The following EVC2 variants were observed in gnomAD, a reference collection of about 807,000 sequenced individuals.
EVC2 encodes EvC ciliary complex subunit 2, also known as limbin.
Under a neutral mutation model 149.3 loss-of-function variants are expected in EVC2, and 148 were observed. That is an observed-to-expected ratio of 0.99 (90% confidence interval 0.87 to 1.14). The LOEUF is 1.14. Among genes scored for constraint, EVC2 ranks in the 50% most tolerant of loss-of-function variants. The pLI is 0.00. For missense variants in EVC2, 1,854 were observed against 1,627.3 expected (o/e 1.14, Z -2.40); for synonymous variants, 776 against 649.9 (o/e 1.19, Z -2.95).
At chr4:5,571,794 G>A (rs73794655) in intron 19 of EVC2, among the ~76,000 whole-genome samples, 6,712 of 152,264 alleles carry the variant, frequency 0.044, 187 homozygotes, top group African/African-American at 0.056. Flanking sequence ...TTTCTGTGGG[G>A]GTGTTTTGGG....
In EVC2 at chr4:5,679,650, G is replaced by T. The variant is rs191408760; in HGVS notation, c.870+1610C>A. Among the ~76,000 whole-genome samples the T allele has an allele frequency of 4.0e-5, 6 of 151,798 alleles. No homozygotes were observed. In the East Asian group the frequency reaches 1.2e-3, roughly 29 times the overall value. ...TATTTTATTTTACTTTAAGTTCTGG[G>T]ATACATATGCAGAACGTGCAGGTTT... On this transcript the variant is annotated intron_variant, in intron 7 of 21. Transcript: ENST00000344408. This position sits in a 1 kb window ranked among gnomAD's most constrained non-coding sequence, Gnocchi z 5.1.
intron 21 of EVC2, among the ~76,000 whole-genome samples, chr4:5,546,809 A>C (rs1021365532): frequency 6.6e-6 from 1 of 151,982 alleles, no homozygotes; most frequent in Non-Finnish European, 1.5e-5. Flanking sequence ...GCCTGTCTAG[A>C]GTGGCTGCTG....
chr4:5,639,767 T>C (rs1717177894), intron 10 of EVC2, among the ~76,000 whole-genome samples: 1 of 152,226 alleles, frequency 6.6e-6, no homozygotes, highest in Non-Finnish European at 1.5e-5. Flanking sequence ...TCTACAGACG[T>C]GCTCTGCTAT....
At chr4:5,699,646 AAAAAAAAAAAAAG>A (rs1475816898) in intron 1 of EVC2, among the ~76,000 whole-genome samples, 1 of 150,542 alleles carries the variant, frequency 6.6e-6, no homozygotes, top group East Asian at 1.9e-4. Flanking sequence ...TCTCTACAAA[AAAAAAAAAAAAAG>A]AAAAAAAGAA....
At chr4:5,541,469 G>A (rs1268930383), downstream of EVC2, among the ~76,000 whole-genome samples, 1 of 152,240 alleles carries the variant, frequency 6.6e-6, no homozygotes, top group Admixed American at 6.5e-5. Context: ...GACTTGAAGA[G>A]AGCGAGTGCT....
intron 10 of EVC2, among the ~76,000 whole-genome samples, chr4:5,638,179 AG>A (rs1717021480): frequency 6.6e-6 from 1 of 152,144 alleles, no homozygotes; most frequent in Non-Finnish European, 1.5e-5. Flanking sequence ...ACCTGAGGTC[AG>A]GAGTTCGAGA....
At chr4:5,650,539 T>C (rs183716335) in intron 9 of EVC2, among the ~76,000 whole-genome samples, 79 of 148,302 alleles carry the variant, frequency 5.3e-4, no homozygotes, top group Non-Finnish European at 9.9e-4. Flanking sequence ...ATCACCTACA[T>C]CAAACGAAAG....
At chr4:5,702,450 T>A (rs541559850) in intron 1 of EVC2, among the ~76,000 whole-genome samples, 2 of 152,298 alleles carry the variant, frequency 1.3e-5, no homozygotes, top group African/African-American at 2.4e-5. Flanking sequence ...TCAATAGACA[T>A]TGCGAAAGAA....
intron 13 of EVC2, among the ~76,000 whole-genome samples, chr4:5,623,881 G>A (rs1006339054): frequency 3.9e-5 from 6 of 152,168 alleles, no homozygotes; most frequent in Non-Finnish European, 5.9e-5. Flanking sequence ...TGAAGATTAT[G>A]CGAGTTACTT....
chr4:5,676,780 TG>T (rs1177715596), intron 7 of EVC2, among the ~76,000 whole-genome samples: 3 of 152,190 alleles, frequency 2.0e-5, no homozygotes, highest in Admixed American at 1.3e-4. Flanking sequence ...TCAGTGTCCA[TG>T]GTACAAGCAA....
At chr4:5,553,246 T>TG (rs1168810440) in intron 21 of EVC2, among the ~76,000 whole-genome samples, 1 of 151,974 alleles carries the variant, frequency 6.6e-6, no homozygotes, top group African/African-American at 2.4e-5. Context: ...GTGGAGTTGG[T>TG]GGGGGGTGGG....
chr4:5,601,058 T>G (rs919742435), intron 16 of EVC2, among the ~76,000 whole-genome samples: 7 of 152,208 alleles, frequency 4.6e-5, no homozygotes, highest in African/African-American at 1.7e-4. Context: ...GCGGTCTTTT[T>G]TGGGGGATTC....
chr4:5,536,822 C>T, the EVC2 span, among the ~76,000 whole-genome samples: 5 of 151,654 alleles, frequency 3.3e-5, no homozygotes, highest in African/African-American at 1.2e-4. Flanking sequence ...ACATATAAAT[C>T]TCTGTAGCAT....
intron 12 of EVC2, among the ~76,000 whole-genome samples, 176 bp downstream of exon 12, chr4:5,628,383 C>T (rs1716274100): frequency 1.3e-5 from 2 of 152,128 alleles, no homozygotes; most frequent in South Asian, 4.1e-4. Context: ...GATGCCCTTC[C>T]ACCATGTTAT....
chr4:5,585,466 C>A (rs1712191243), intron 16 of EVC2, among the ~76,000 whole-genome samples: 1 of 152,200 alleles, frequency 6.6e-6, no homozygotes, highest in Non-Finnish European at 1.5e-5. Flanking sequence ...AGGCTTCAAA[C>A]CAGGTGCCCA....
intron 16 of EVC2, among the ~76,000 whole-genome samples, chr4:5,589,462 T>G (rs1272871361): frequency 6.6e-6 from 1 of 152,196 alleles, no homozygotes; most frequent in Non-Finnish European, 1.5e-5. Context: ...TAGACACCTC[T>G]GGAGTTTTCT....
intron 16 of EVC2, among the ~76,000 whole-genome samples, chr4:5,601,162 G>C (rs148867062): frequency 2.6e-5 from 4 of 152,114 alleles, no homozygotes; most frequent in African/African-American, 7.2e-5. Context: ...CACAGTCTAC[G>C]GGCCCTGGCT....
intron 21 of EVC2, among the ~76,000 whole-genome samples, chr4:5,552,704 A>C (rs1178969873): frequency 6.6e-6 from 1 of 152,224 alleles, no homozygotes; most frequent in Non-Finnish European, 1.5e-5. Flanking sequence ...GCTGCAGATC[A>C]AGCAGGGGAA....
rs548223244 is a variant in EVC2, at chr4:5,658,478, C to T, written c.1145+4629G>A. 5.9e-5 allele frequency among the ~76,000 whole-genome samples: 9 copies of T among 152,262 alleles called. No homozygotes were observed. The East Asian group carries it at 7.7e-4, about 13-fold the overall frequency. On this transcript the variant is annotated intron_variant, in intron 9 of 21. Coordinates refer to ENST00000344408, the MANE Select transcript of EVC2 (RefSeq NM_147127.5). The stretch of plus-strand genomic sequence containing the variant: ...ACACACATATTTAAAAACCTCAATT[C>T]GACAAATACTCATGGAACACTTACT...
Sources: gnomAD v4.1 joint callset for allele counts (sites outside exome capture counted in the v4.1 genomes callset) on GRCh38, gnomAD v4.1.1 for gene constraint, Gnocchi (gnomAD v3.1) non-coding constraint, MANE v1.5 for transcripts, NCBI Gene and HGNC (gene_info 2026-07-23, HGNC 2026-07-21) for gene names.